Variants in GPR176 observed in about 807,000 individuals in gnomAD.
GPR176 encodes G-protein coupled receptor 176.
In GPR176, 26 loss-of-function variants were observed where a neutral mutation model predicts 35.4. The observed-to-expected ratio is 0.74, with a 90% CI of 0.54 to 1.02. The LOEUF is 1.02. GPR176 is among the 50% of genes least tolerant of loss of function. GPR176 has a pLI of 0.00. For missense variants in GPR176, 597 were observed against 665.3 expected (o/e 0.90, Z 1.13); for synonymous variants, 278 against 271.3 (o/e 1.02, Z -0.24).
intron 1 of GPR176, among the ~76,000 whole-genome samples, chr15:39,873,223 AGAGAAG>A (rs2032114418): frequency 6.6e-6 from 1 of 152,228 alleles, no homozygotes; most frequent in Non-Finnish European, 1.5e-5. Flanking sequence ...ACAGAGGCTT[AGAGAAG>A]TTAAGCAGCT....
chr15:39,845,120 A>C (rs1015757535), intron 1 of GPR176, among the ~76,000 whole-genome samples: 3 of 152,108 alleles, frequency 2.0e-5, no homozygotes, highest in East Asian at 1.9e-4. Flanking sequence ...CCAGGACAGC[A>C]CTCACTGAGA....
chr15:39,919,828 T>A, intron 1 of GPR176, 27 bp downstream of exon 1: 1 of 1,377,226 alleles, frequency 7.3e-7, no homozygotes, highest in South Asian at 1.8e-5. Context: ...GGAGGCCCGG[T>A]CCGGAGGCGC....
chr15:39,878,472 T>TTGTGTGTGTG (rs3066143), intron 1 of GPR176, among the ~76,000 whole-genome samples: 5 of 148,060 alleles, frequency 3.4e-5, no homozygotes, highest in Admixed American at 6.7e-5. Context: ...CAAATAATAT[T>TTGTGTGTGTG]TGTGTGTGTG....
chr15:39,881,000 C>T (rs2032452928), intron 1 of GPR176, among the ~76,000 whole-genome samples: 1 of 152,158 alleles, frequency 6.6e-6, no homozygotes, highest in Non-Finnish European at 1.5e-5. Flanking sequence ...TCCATGGCTC[C>T]TTGAGGCCTA....
intron 1 of GPR176, among the ~76,000 whole-genome samples, chr15:39,883,645 C>T (rs1384352065): frequency 6.6e-6 from 1 of 151,942 alleles, no homozygotes; most frequent in African/African-American, 2.4e-5. Context: ...TCTGCAGTTG[C>T]TAAAAGTCTG....
rs1053782282 is a variant in GPR176 at position 39,828,441 on chromosome 15, T to C, written c.173-21183A>G. 4.6e-5 allele frequency among the ~76,000 whole-genome samples: 7 copies of C among 152,312 alleles called. No individual in the cohort carries two copies. The South Asian group carries it at 1.2e-3, about 27-fold the overall frequency. ...ACTGCTGCCTGAGGCCAGTGCTACT[T>C]AGGATGCTGCTCAGGTTTCCTTCCT... On this transcript the variant is annotated intron_variant, in intron 1 of 2. Coordinates refer to ENST00000561100, the MANE Select transcript of GPR176 (RefSeq NM_007223.3).
intron 1 of GPR176, among the ~76,000 whole-genome samples, chr15:39,834,696 A>G (rs1420244551): frequency 6.6e-6 from 1 of 152,208 alleles, no homozygotes; most frequent in African/African-American, 2.4e-5. Flanking sequence ...AACAAACTTC[A>G]CATGTTCTCA....
intron 1 of GPR176, among the ~76,000 whole-genome samples, chr15:39,912,443 C>A (rs2033602737): frequency 6.6e-6 from 1 of 151,650 alleles, no homozygotes; most frequent in Non-Finnish European, 1.5e-5. Context: ...ATGGTGAAAC[C>A]CCATCTCTAC....
chr15:39,805,321 C>T (rs967904841), intron 2 of GPR176, among the ~76,000 whole-genome samples: 12 of 151,996 alleles, frequency 7.9e-5, no homozygotes, highest in South Asian at 2.1e-4. Context: ...AGACATGCAA[C>T]GTCACCATAA....
At chr15:39,907,898 C>T (rs275732) in intron 1 of GPR176, among the ~76,000 whole-genome samples, 63,475 of 152,028 alleles carry the variant, frequency 0.42, 13,860 homozygotes, top group African/African-American at 0.54. Context: ...GGCAGAAGAA[C>T]TGCTCAAACC....
chr15:39,887,998 C>T (rs2032732542), intron 1 of GPR176, among the ~76,000 whole-genome samples: 1 of 152,206 alleles, frequency 6.6e-6, no homozygotes, highest in Non-Finnish European at 1.5e-5. Context: ...ACACAACAAA[C>T]TTTCTAACTT....
intron 1 of GPR176, among the ~76,000 whole-genome samples, chr15:39,896,887 GA>G: frequency 6.6e-6 from 1 of 152,288 alleles, no homozygotes; most frequent in East Asian, 1.9e-4. Context: ...AGAGAGAGAG[GA>G]ATAGATTTGT....
chr15:39,825,960 C>T (rs11854225), intron 1 of GPR176, among the ~76,000 whole-genome samples: 1,810 of 152,238 alleles, frequency 0.012, 16 homozygotes, highest in Middle Eastern at 0.031. Flanking sequence ...TCTCTGAGTC[C>T]ACCATAAGTG....
chr15:39,851,191 T>A (rs1198914609), intron 1 of GPR176, among the ~76,000 whole-genome samples: 4 of 152,190 alleles, frequency 2.6e-5, no homozygotes, highest in African/African-American at 9.6e-5. Flanking sequence ...AATTAGTTTA[T>A]CCTCTTCTTT....
At chr15:39,865,505 C>T (rs2031790074) in intron 1 of GPR176, among the ~76,000 whole-genome samples, 1 of 151,912 alleles carries the variant, frequency 6.6e-6, no homozygotes. Context: ...ATAATGTGTA[C>T]ACATGGAGGT....
chr15:39,866,944 G>A (rs2031855628), intron 1 of GPR176, among the ~76,000 whole-genome samples: 1 of 152,068 alleles, frequency 6.6e-6, no homozygotes, highest in African/African-American at 2.4e-5. Flanking sequence ...GAACAAGAGG[G>A]TACAGCAGGA....
At chr15:39,859,495 A>AT (rs1317988180) in intron 1 of GPR176, among the ~76,000 whole-genome samples, 1 of 151,528 alleles carries the variant, frequency 6.6e-6, no homozygotes, top group Non-Finnish European at 1.5e-5. Flanking sequence ...CACTGTGAAA[A>AT]AAAAAAAAAC....
At chr15:39,898,242 C>CT (rs537369385) in intron 1 of GPR176, among the ~76,000 whole-genome samples, 5 of 150,786 alleles carry the variant, frequency 3.3e-5, no homozygotes, top group African/African-American at 4.9e-5. Context: ...AAGTCTTCCC[C>CT]TTTTTTTTTC....
chr15:39,827,172 A>G (rs2140821149), intron 1 of GPR176, among the ~76,000 whole-genome samples: 1 of 152,350 alleles, frequency 6.6e-6, no homozygotes, highest in African/African-American at 2.4e-5. Flanking sequence ...TAGGAGGAGC[A>G]TGAATATATA....
Sources: gnomAD v4.1 joint callset for allele counts (sites outside exome capture counted in the v4.1 genomes callset) on GRCh38, gnomAD v4.1.1 for gene constraint, MANE v1.5 for transcripts, NCBI Gene and HGNC (gene_info 2026-07-23, HGNC 2026-07-21) for gene names.